MET: variants seen among roughly 807,000 people sequenced by gnomAD.
The protein encoded by MET is hepatocyte growth factor receptor.
Under a neutral mutation model 133.1 loss-of-function variants are expected in MET, and 48 were observed. The ratio of observed to expected loss-of-function variants is 0.36; its 90% CI spans 0.29 to 0.46. The LOEUF is 0.46. Among genes scored for constraint, MET ranks in the 20% least tolerant of loss-of-function variants. The probability of loss-of-function intolerance (pLI) is 1.00; values close to 1 mark genes in which losing one functional copy is unlikely to be tolerated. For synonymous variants in MET, 628 were observed against 616.5 expected (o/e 1.02, Z -0.28); for missense variants, 1,442 against 1,695.9 (o/e 0.85, Z 2.63).
intron 2 of MET, among the ~76,000 whole-genome samples, chr7:116,718,414 A>T (rs920198928): frequency 6.6e-6 from 1 of 152,064 alleles, no homozygotes; most frequent in East Asian, 1.9e-4. Context: ...TAAAAATTTT[A>T]AAAAATAAAT....
chr7:116,757,577 T>C, intron 7 of MET, 38 bp downstream of exon 7: 1 of 1,612,642 alleles, frequency 6.2e-7, no homozygotes, highest in South Asian at 1.1e-5. Flanking sequence ...TGATTTTTAC[T>C]TAATCTATTT....
intron 19 of MET, among the ~76,000 whole-genome samples, chr7:116,790,298 A>G (rs1277491107): frequency 2.6e-5 from 4 of 152,206 alleles, no homozygotes; most frequent in Non-Finnish European, 5.9e-5. Flanking sequence ...CCTGGCAACC[A>G]CAATTCTACT....
rs372658159 is a variant in MET, at chr7:116,700,381, G to A, written c.1200+97G>A. 74 of 1,381,496 alleles carry A rather than the reference G, an allele frequency of 5.4e-5. No homozygotes were observed. In the Middle Eastern group the frequency reaches 7.4e-4, roughly 14 times the overall value. 85.6% of individuals were successfully genotyped at this position (1,381,496 alleles called of 1,614,324 possible). On this transcript the variant is annotated intron_variant, in intron 2 of 20. Coordinates refer to ENST00000397752, the MANE Select transcript of MET (RefSeq NM_000245.4). Reference sequence around the variant, plus strand: ...ATATCCAGGGCTTCTTTTGTGCTTTGTAAATGGTGTTTATCCAAAATAGTT... The same window carrying A: ...ATATCCAGGGCTTCTTTTGTGCTTTATAAATGGTGTTTATCCAAAATAGTT...
chr7:116,791,181 C>T (rs1032522458), intron 19 of MET, among the ~76,000 whole-genome samples: 3 of 152,122 alleles, frequency 2.0e-5, no homozygotes, highest in African/African-American at 7.2e-5. Context: ...TTTCTGTGAA[C>T]GTAATTTTTA....
intron 6 of MET, among the ~76,000 whole-genome samples, chr7:116,756,208 G>T (rs544880662): frequency 6.6e-6 from 1 of 152,160 alleles, no homozygotes; most frequent in Non-Finnish European, 1.5e-5. Context: ...CAAGACCCGT[G>T]CTAGTTCTAC....
Position 116,731,663 on chromosome 7 carries a change from TC to T in MET, c.1201-3del. 1 of 1,614,072 alleles carries T rather than the reference TC, an allele frequency of 6.2e-7. No individual in the cohort carries two copies. Among genetic ancestry groups the T allele is most frequent in the Non-Finnish European group, 8.5e-7 (1 of 1,179,918 alleles). ...CATTAACTCTATGACCATATTTTATTCCAGACACTTCTGAGAAATTCATCAG... is the reference window on the plus strand; with the variant it reads ...CATTAACTCTATGACCATATTTTATTCAGACACTTCTGAGAAATTCATCAG... On this transcript the variant is annotated splice_region_variant and splice_polypyrimidine_tract_variant and intron_variant, in intron 2 of 20. Coordinates refer to ENST00000397752, the MANE Select transcript of MET (RefSeq NM_000245.4).
intron 1 of MET, among the ~76,000 whole-genome samples, chr7:116,698,643 G>A (rs1797050833): frequency 6.6e-6 from 1 of 152,204 alleles, no homozygotes; most frequent in Non-Finnish European, 1.5e-5. Flanking sequence ...ATAAATGAAT[G>A]TGAACCACAG....
At chr7:116,792,060 C>T (rs994362958) in intron 19 of MET, among the ~76,000 whole-genome samples, 1 of 151,058 alleles carries the variant, frequency 6.6e-6, no homozygotes, top group Non-Finnish European at 1.5e-5. Flanking sequence ...TATCAGTTTA[C>T]CAATTGATAA....
At chr7:116,722,231 A>G (rs1451394426) in intron 2 of MET, among the ~76,000 whole-genome samples, 2 of 151,088 alleles carry the variant, frequency 1.3e-5, no homozygotes, top group African/African-American at 2.4e-5. Flanking sequence ...TCCCTTTACC[A>G]TTATGTAATG....
At chr7:116,795,527 TTG>T (rs964376121) in intron 19 of MET, 126 bp from the exon 20 acceptor site, 38 of 1,226,826 alleles carry the variant, frequency 3.1e-5, no homozygotes, top group Non-Finnish European at 4.2e-5. Context: ...TTTAAGAAAA[TTG>T]TTGCCCAAAA....
intron 3 of MET, 138 bp from the exon 4 acceptor site, chr7:116,739,812 T>C: frequency 8.4e-7 from 1 of 1,185,142 alleles, no homozygotes; most frequent in Non-Finnish European, 1.3e-6. Context: ...TGATTTACAA[T>C]GAGGGGAACT....
At chr7:116,716,962 C>T (rs186496275) in intron 2 of MET, among the ~76,000 whole-genome samples, 94 of 152,316 alleles carry the variant, frequency 6.2e-4, no homozygotes, top group African/African-American at 2.1e-3. Context: ...TTTTGCCCCC[C>T]CCAGCTTTGC....
intron 4 of MET, among the ~76,000 whole-genome samples, 157 bp from the exon 5 acceptor site, chr7:116,740,695 T>G (rs1181221478): frequency 6.6e-6 from 1 of 152,234 alleles, no homozygotes; most frequent in East Asian, 1.9e-4. Context: ...ATTTTTAAAA[T>G]TTTAATCACC....
chr7:116,786,008 G>T (rs1795301858), intron 19 of MET, among the ~76,000 whole-genome samples: 1 of 152,188 alleles, frequency 6.6e-6, no homozygotes, highest in South Asian at 2.1e-4. Flanking sequence ...TATTCAGCCT[G>T]GGCTGTCATA....
chr7:116,716,216 GCAC>G (rs1314969875), intron 2 of MET, among the ~76,000 whole-genome samples: 1 of 149,750 alleles, frequency 6.7e-6, no homozygotes. Flanking sequence ...TTGTGCCACT[GCAC>G]TGCCGCCTGG....
chr7:116,753,738 A>G (rs918723979), intron 5 of MET, among the ~76,000 whole-genome samples: 1 of 152,234 alleles, frequency 6.6e-6, no homozygotes, highest in Non-Finnish European at 1.5e-5. Context: ...TAACACATGT[A>G]TTAAATATTA....
chr7:116,740,836 C>A lies in MET; in HGVS notation c.1528-16C>A, dbSNP rs1793416503. The A allele has an allele frequency of 6.2e-7, 1 of 1,613,806 alleles. No individual in the cohort carries two copies. The highest frequency in any genetic ancestry group is 1.1e-5 in the South Asian group (1 of 91,060). On this transcript the variant is annotated splice_polypyrimidine_tract_variant and intron_variant, in intron 4 of 20. Coordinates refer to ENST00000397752, the MANE Select transcript of MET (RefSeq NM_000245.4). Reference sequence around the variant, plus strand: ...GATACCCCTCTGGAAGCTCTTTCCACCCCTTCTCTTCACAGATCACGAAGA... The same window carrying A: ...GATACCCCTCTGGAAGCTCTTTCCAACCCTTCTCTTCACAGATCACGAAGA...
chr7:116,714,173 A>T (rs1174795250), intron 2 of MET, among the ~76,000 whole-genome samples: 1 of 152,202 alleles, frequency 6.6e-6, no homozygotes, highest in Non-Finnish European at 1.5e-5. Context: ...TCTGTTTCAG[A>T]TCTGATTCAC....
intron 12 of MET, among the ~76,000 whole-genome samples, chr7:116,770,636 G>T (rs1794802858): frequency 6.6e-6 from 1 of 151,944 alleles, no homozygotes; most frequent in South Asian, 2.1e-4. Context: ...TCTAGAATTT[G>T]CCTATTCTAG....
Sources: allele counts gnomAD v4.1 joint callset (sites outside exome capture counted in the v4.1 genomes callset), GRCh38; gene constraint gnomAD v4.1.1; transcripts MANE v1.5; gene names NCBI Gene and HGNC (gene_info 2026-07-23, HGNC 2026-07-21).